The following CSMD1 variants were observed in gnomAD, a reference collection of about 807,000 sequenced individuals.
The protein encoded by CSMD1 is CUB and sushi domain-containing protein 1.
In CSMD1, 213 loss-of-function variants were observed where a neutral mutation model predicts 417.5. The ratio of observed to expected loss-of-function variants is 0.51; its 90% CI spans 0.46 to 0.57. The LOEUF is 0.57. Among genes scored for constraint, CSMD1 ranks in the 20% least tolerant of loss-of-function variants. The pLI is 0.00. For synonymous variants in CSMD1, 2,862 were observed against 1,736.8 expected (o/e 1.65, Z -16.11); for missense variants, 6,923 against 4,529.7 (o/e 1.53, Z -15.17).
chr8:4,339,095 G>C (rs1585262932), intron 3 of CSMD1, among the ~76,000 whole-genome samples: 2 of 152,010 alleles, frequency 1.3e-5, no homozygotes, highest in Admixed American at 6.6e-5. Flanking sequence ...TCTGAGTCTA[G>C]ACAAAAGAGC....
chr8:3,807,253 T>G (rs1800795043), intron 5 of CSMD1, among the ~76,000 whole-genome samples: 3 of 152,170 alleles, frequency 2.0e-5, no homozygotes, highest in Admixed American at 6.6e-5. Flanking sequence ...GTAATTTCCA[T>G]TCTTTGATCA....
At chr8:4,209,529 C>A (rs866975708) in intron 3 of CSMD1, among the ~76,000 whole-genome samples, 1 of 152,182 alleles carries the variant, frequency 6.6e-6, no homozygotes, top group Admixed American at 6.5e-5. Flanking sequence ...GAAACAGGAG[C>A]CGCGTGAGAT....
chr8:3,286,172 C>A (rs1005035567), intron 25 of CSMD1, among the ~76,000 whole-genome samples: 1 of 152,168 alleles, frequency 6.6e-6, no homozygotes, highest in East Asian at 1.9e-4. Context: ...TTCTTTATGG[C>A]TGCATAGCAT....
intron 29 of CSMD1, 48 bp from the exon 30 acceptor site, chr8:3,214,739 T>G: frequency 2.8e-6 from 4 of 1,449,242 alleles, no homozygotes; most frequent in Non-Finnish European, 3.7e-6. Flanking sequence ...GATCTTATTC[T>G]TGTTTGTGTT....
chr8:3,325,898 T>A (rs556011623), intron 23 of CSMD1, among the ~76,000 whole-genome samples: 5 of 152,198 alleles, frequency 3.3e-5, no homozygotes, highest in Non-Finnish European at 7.4e-5. Flanking sequence ...CACTATCAGA[T>A]CATCACAAAA....
chr8:3,442,839 TTG>T (rs939111310), intron 12 of CSMD1, among the ~76,000 whole-genome samples: 3 of 144,258 alleles, frequency 2.1e-5, no homozygotes, highest in East Asian at 2.3e-4. Flanking sequence ...GATTTTTTTT[TTG>T]TTATGTCTGT....
At chr8:4,272,487 C>A (rs1022342419) in intron 3 of CSMD1, among the ~76,000 whole-genome samples, 2 of 152,102 alleles carry the variant, frequency 1.3e-5, no homozygotes, top group Non-Finnish European at 2.9e-5. Flanking sequence ...GATAACTATA[C>A]ACGATCACAG....
chr8:3,126,769 C>A (rs1195086817), intron 41 of CSMD1, among the ~76,000 whole-genome samples: 1 of 152,196 alleles, frequency 6.6e-6, no homozygotes, highest in African/African-American at 2.4e-5. Context: ...ATGAAGCCAA[C>A]CAAACTGTTG....
chr8:4,242,972 T>A (rs1010534554), intron 3 of CSMD1, among the ~76,000 whole-genome samples: 5 of 152,108 alleles, frequency 3.3e-5, no homozygotes, highest in African/African-American at 1.2e-4. Context: ...AGTTTAAAAT[T>A]TTATGTGTAG....
At chr8:4,525,256 G>A (rs948882723) in intron 2 of CSMD1, among the ~76,000 whole-genome samples, 1 of 152,156 alleles carries the variant, frequency 6.6e-6, no homozygotes, top group Non-Finnish European at 1.5e-5. Flanking sequence ...CACTCGAACA[G>A]AGAGGAAAGG....
intron 10 of CSMD1, among the ~76,000 whole-genome samples, chr8:3,564,517 T>TTGTGTGTGTGTGTGTGTGTGTGTGTG (rs34665230): frequency 3.4e-5 from 5 of 145,390 alleles, no homozygotes; most frequent in African/African-American, 5.2e-5. Context: ...CACAGTATAT[T>TTGTGTGTGTGTGTGTGTGTGTGTGTG]TGTGTGTGTG....
At chr8:4,697,638 C>G (rs1270303505) in intron 1 of CSMD1, among the ~76,000 whole-genome samples, 2 of 152,092 alleles carry the variant, frequency 1.3e-5, no homozygotes, top group African/African-American at 4.8e-5. Context: ...GGCAATTAAG[C>G]AGGGACTGAT....
intron 5 of CSMD1, among the ~76,000 whole-genome samples, chr8:3,919,905 T>A (rs959967268): frequency 2.0e-5 from 3 of 152,184 alleles, no homozygotes; most frequent in African/African-American, 7.2e-5. Flanking sequence ...AAAATGAGAT[T>A]TTTTTGGGAA....
intron 2 of CSMD1, among the ~76,000 whole-genome samples, chr8:4,545,061 C>T (rs748081034): frequency 1.2e-4 from 18 of 152,180 alleles, no homozygotes; most frequent in Non-Finnish European, 1.9e-4. Context: ...CGTGTGTGTG[C>T]ACACATATGT....
chr8:3,911,444 C>G (rs909819799), intron 5 of CSMD1, among the ~76,000 whole-genome samples: 1 of 151,184 alleles, frequency 6.6e-6, no homozygotes, highest in Non-Finnish European at 1.5e-5. Context: ...AGGAGAATGG[C>G]GTGAACCCGC....
At chr8:3,183,623 C>A (rs1025661783) in intron 36 of CSMD1, among the ~76,000 whole-genome samples, 1 of 151,298 alleles carries the variant, frequency 6.6e-6, no homozygotes, top group Non-Finnish European at 1.5e-5. Context: ...TGTTTCTTAA[C>A]GATACCATCG....
intron 21 of CSMD1, among the ~76,000 whole-genome samples, chr8:3,354,869 A>C (rs893579732): frequency 1.4e-5 from 2 of 145,314 alleles, no homozygotes; most frequent in Non-Finnish European, 3.0e-5. Flanking sequence ...ATATATAGAT[A>C]TACATATATC....
intron 5 of CSMD1, among the ~76,000 whole-genome samples, chr8:3,759,310 G>A (rs1345543977): frequency 6.6e-6 from 1 of 152,100 alleles, no homozygotes; most frequent in African/African-American, 2.4e-5. Flanking sequence ...TGATCCTGAG[G>A]AAAAGGACAG....
At chr8:4,952,746 T>A (rs1284565285) in intron 1 of CSMD1, among the ~76,000 whole-genome samples, 2 of 152,140 alleles carry the variant, frequency 1.3e-5, no homozygotes, top group Non-Finnish European at 2.9e-5. Flanking sequence ...TTCCTTTATT[T>A]TTATTTGAAA....
Sources: gnomAD v4.1 joint callset for allele counts (sites outside exome capture counted in the v4.1 genomes callset) on GRCh38, gnomAD v4.1.1 for gene constraint, MANE v1.5 for transcripts, NCBI Gene and HGNC (gene_info 2026-07-23, HGNC 2026-07-21) for gene names.